Variants in SLCO2A1 observed in about 807,000 individuals in gnomAD.
SLCO2A1 encodes matrin F/G 1.
Under a neutral mutation model 71.7 loss-of-function variants are expected in SLCO2A1, and 60 were observed. The observed-to-expected ratio is 0.84, with a 90% CI of 0.68 to 1.04. The LOEUF is 1.04. Ranked by LOEUF, SLCO2A1 falls within the 50% of genes least tolerant of loss-of-function variation. The pLI is 0.00. For synonymous variants in SLCO2A1, 308 were observed against 326.7 expected (o/e 0.94, Z 0.62); for missense variants, 745 against 813.4 (o/e 0.92, Z 1.02).
chr3:134,027,470 G>T (rs1048116673), intron 1 of SLCO2A1, among the ~76,000 whole-genome samples: 1 of 152,184 alleles, frequency 6.6e-6, no homozygotes, highest in Non-Finnish European at 1.5e-5. Context: ...AATCGATCAC[G>T]ACCCTCTCAG....
In SLCO2A1 at chr3:133,981,004, C is replaced by T. The variant is rs1326978176; in HGVS notation, c.97-1386G>A. Among the ~76,000 whole-genome samples the T allele has an allele frequency of 2.0e-5, 3 of 152,236 alleles. No individual in the cohort carries two copies. The East Asian group carries it at 5.8e-4, about 29-fold the overall frequency. Reference sequence around the variant, plus strand: ...TGCTAGAGAGGCTCCACTGGGCTTTCTTTTGTATTCTGAAATTCTTCTTAA... The same window carrying T: ...TGCTAGAGAGGCTCCACTGGGCTTTTTTTTGTATTCTGAAATTCTTCTTAA... On this transcript the variant is annotated intron_variant, in intron 1 of 13. Coordinates refer to ENST00000310926, the MANE Select transcript of SLCO2A1 (RefSeq NM_005630.3).
intron 2 of SLCO2A1, among the ~76,000 whole-genome samples, chr3:133,978,360 G>A (rs1034510185): frequency 6.6e-6 from 1 of 152,164 alleles, no homozygotes; most frequent in Non-Finnish European, 1.5e-5. Flanking sequence ...CTGATGCCGG[G>A]TTCCTTGTCT....
intron 1 of SLCO2A1, among the ~76,000 whole-genome samples, chr3:133,996,665 A>G (rs1363296852): frequency 6.6e-6 from 1 of 152,196 alleles, no homozygotes; most frequent in Non-Finnish European, 1.5e-5. Flanking sequence ...GCCTGCCGAG[A>G]GATCTGGGAT....
At chr3:133,975,816 A>G (rs1266708882) in intron 2 of SLCO2A1, among the ~76,000 whole-genome samples, 2 of 152,172 alleles carry the variant, frequency 1.3e-5, no homozygotes, top group African/African-American at 4.8e-5. Flanking sequence ...AATCATCTCA[A>G]GAAGGTCTTT....
Position 133,932,758 on chromosome 3 carries a change from G to A in SLCO2A1, c.*1955C>T, listed in dbSNP as rs1933172271. 1 of 152,552 alleles carries A rather than the reference G, an allele frequency of 6.6e-6. No individual in the cohort carries two copies. Among genetic ancestry groups the A allele is most frequent in the South Asian group, 2.1e-4 (1 of 4,824 alleles). The allele number at this position is 152,552 out of a possible 1,614,324, so 9.4% of individuals were successfully genotyped here. On this transcript the variant is annotated 3_prime_UTR_variant, in exon 14 of 14. Transcript: ENST00000310926. ...TATAATAGAATAAAGGTTTGGGAGTGCAACCAATCTTCTAGAACCTGAAGG... is the reference window on the plus strand; with the variant it reads ...TATAATAGAATAAAGGTTTGGGAGTACAACCAATCTTCTAGAACCTGAAGG...
intron 2 of SLCO2A1, among the ~76,000 whole-genome samples, chr3:133,978,222 G>A (rs1168904528): frequency 2.6e-5 from 4 of 152,178 alleles, no homozygotes; most frequent in East Asian, 1.9e-4. Flanking sequence ...CTGGAGGAAC[G>A]GTAGAGAAGA....
intron 3 of SLCO2A1, among the ~76,000 whole-genome samples, chr3:133,961,313 T>C (rs1001855090): frequency 2.0e-5 from 3 of 151,998 alleles, no homozygotes; most frequent in Non-Finnish European, 2.9e-5. Flanking sequence ...TGCTGTAGGA[T>C]AGCAGGGGCA....
intron 3 of SLCO2A1, among the ~76,000 whole-genome samples, chr3:133,969,241 C>T (rs551473324): frequency 1.3e-5 from 2 of 152,156 alleles, no homozygotes; most frequent in Non-Finnish European, 2.9e-5. Flanking sequence ...ATCAACCTGG[C>T]CAACATGGTG....
At chr3:134,013,725 C>G (rs772832491) in intron 1 of SLCO2A1, among the ~76,000 whole-genome samples, 1 of 152,184 alleles carries the variant, frequency 6.6e-6, no homozygotes, top group African/African-American at 2.4e-5. Context: ...CACACATCTT[C>G]CTAGAGCATC....
intron 3 of SLCO2A1, among the ~76,000 whole-genome samples, chr3:133,968,578 A>T (rs1479611480): frequency 6.6e-6 from 1 of 152,232 alleles, no homozygotes; most frequent in Non-Finnish European, 1.5e-5. Context: ...TGCTCCAAAA[A>T]TACAGTGCTC....
chr3:134,017,700 T>G (rs73864031), intron 1 of SLCO2A1, among the ~76,000 whole-genome samples: 2,388 of 152,248 alleles, frequency 0.016, 65 homozygotes, highest in African/African-American at 0.055. Flanking sequence ...GAAAGGGGCT[T>G]GAAGTGAGTG....
intron 1 of SLCO2A1, among the ~76,000 whole-genome samples, chr3:134,025,414 C>T (rs1935683067): frequency 1.3e-5 from 2 of 152,056 alleles, no homozygotes; most frequent in South Asian, 4.2e-4. Context: ...GGACTGAGGA[C>T]TGGTGAGGGC....
chr3:133,937,809 G>A (rs1008891383), intron 12 of SLCO2A1, among the ~76,000 whole-genome samples: 1 of 152,244 alleles, frequency 6.6e-6, no homozygotes, highest in African/African-American at 2.4e-5. Flanking sequence ...AACAGCCAGT[G>A]TGAGCAGTTC....
chr3:133,955,214 G>A, intron 3 of SLCO2A1, 21 bp from the exon 4 acceptor site: 3 of 1,597,958 alleles, frequency 1.9e-6, no homozygotes, highest in Non-Finnish European at 2.6e-6. Context: ...AGTGCTTGCT[G>A]GTCTCCACCA....
At chr3:133,997,898 T>TATTCTCACATGTGAGGTGG (rs1335000886) in intron 1 of SLCO2A1, among the ~76,000 whole-genome samples, 1 of 152,220 alleles carries the variant, frequency 6.6e-6, no homozygotes, top group Non-Finnish European at 1.5e-5. Flanking sequence ...TAAGCTTCAG[T>TATTCTCACATGTGAGGTGG]ATTCTCACAT....
At chr3:133,993,733 C>A (rs376708255) in intron 1 of SLCO2A1, among the ~76,000 whole-genome samples, 10 of 152,156 alleles carry the variant, frequency 6.6e-5, no homozygotes, top group East Asian at 5.8e-4. Flanking sequence ...TGAAAAGAAC[C>A]TGCTTTGCAT....
chr3:133,981,691 G>A (rs1934595875), intron 1 of SLCO2A1, among the ~76,000 whole-genome samples: 1 of 152,126 alleles, frequency 6.6e-6, no homozygotes, highest in Non-Finnish European at 1.5e-5. Context: ...AAAAAGAAAA[G>A]CAAGGCTGGG....
rs184659886 is a variant in SLCO2A1 at position 133,947,068 on chromosome 3, A to G, written c.1295+188T>C. 3.4e-3 allele frequency among the ~76,000 whole-genome samples: 523 copies of G among 151,768 alleles called. 1 individual carries two copies. Among genetic ancestry groups the G allele is most frequent in the Admixed American group, 7.4e-3 (113 of 15,212 alleles). ...AGAATCACTTGAACCTGGGAGGTGG[A>G]GTTTGCAGTGAGCCAAGATCACGCC... On this transcript the variant is annotated intron_variant, in intron 9 of 13. Transcript: ENST00000310926.
At chr3:134,018,926 C>T (rs1420411627) in intron 1 of SLCO2A1, among the ~76,000 whole-genome samples, 1 of 152,210 alleles carries the variant, frequency 6.6e-6, no homozygotes, top group Admixed American at 6.5e-5. Flanking sequence ...GGAGCAGGCA[C>T]ATAAAACCCA....
Sources: gnomAD v4.1 joint callset for allele counts (sites outside exome capture counted in the v4.1 genomes callset) on GRCh38, gnomAD v4.1.1 for gene constraint, MANE v1.5 for transcripts, NCBI Gene and HGNC (gene_info 2026-07-23, HGNC 2026-07-21) for gene names.